Variants in RNF180 observed in about 807,000 individuals in gnomAD.
RNF180 encodes ring finger protein 180.
In RNF180, 38 loss-of-function variants were observed where a neutral mutation model predicts 59.2. The observed-to-expected ratio is 0.64, with a 90% CI of 0.50 to 0.84. The LOEUF (loss-of-function observed/expected upper bound fraction) is 0.84, where lower values mean the gene tolerates loss of function less well. Ranked by LOEUF, RNF180 falls within the 40% of genes least tolerant of loss-of-function variation. The pLI is 0.00. For synonymous variants in RNF180, 262 were observed against 240.3 expected (o/e 1.09, Z -0.84); for missense variants, 705 against 700.9 (o/e 1.01, Z -0.07).
chr5:64,255,917 T>C (rs1009346723), intron 5 of RNF180, among the ~76,000 whole-genome samples: 4 of 152,322 alleles, frequency 2.6e-5, no homozygotes, highest in Non-Finnish European at 4.4e-5. Context: ...TGGTATCTCA[T>C]TGTGGTTTTG....
chr5:64,209,016 G>T (rs1308067586), intron 2 of RNF180, among the ~76,000 whole-genome samples: 1 of 151,838 alleles, frequency 6.6e-6, no homozygotes, highest in Admixed American at 6.6e-5. Flanking sequence ...AAGAATAGCA[G>T]TATCATACCT....
chr5:64,356,270 A>AG (rs1376965648), intron 7 of RNF180, among the ~76,000 whole-genome samples: 1 of 151,876 alleles, frequency 6.6e-6, no homozygotes, highest in East Asian at 1.9e-4. Context: ...AAAAAAAAAA[A>AG]TAAATGTGGT....
intron 5 of RNF180, among the ~76,000 whole-genome samples, chr5:64,290,572 C>G (rs1057331385): frequency 6.6e-6 from 1 of 152,010 alleles, no homozygotes; most frequent in Non-Finnish European, 1.5e-5. Context: ...TTATTGGGTA[C>G]ATATATATAT....
chr5:64,273,144 T>TA (rs933569962), intron 5 of RNF180, among the ~76,000 whole-genome samples: 4 of 151,806 alleles, frequency 2.6e-5, no homozygotes, highest in African/African-American at 7.3e-5. Flanking sequence ...ATTAGCATGC[T>TA]AAAAAACACT....
At chr5:64,196,492 G>A (rs920596399) in intron 1 of RNF180, among the ~76,000 whole-genome samples, 5 of 151,940 alleles carry the variant, frequency 3.3e-5, no homozygotes, top group African/African-American at 1.2e-4. Context: ...ATTTTTTGCA[G>A]CTTTTAAGAT....
intron 7 of RNF180, among the ~76,000 whole-genome samples, chr5:64,351,548 A>G (rs865940236): frequency 0.016 from 2,410 of 150,318 alleles, 43 homozygotes; most frequent in Middle Eastern, 0.046. Context: ...GTTTGTCATA[A>G]ATAGCTCTTA....
rs544383310 is a variant in RNF180, at chr5:64,372,549, C to T, written c.*2735C>T. Reference sequence around the variant, plus strand: ...ACAAAATTCCAGTTAATAAAATTTTCATTTAAATGTCTTTTGTATGGCTAA... The same window carrying T: ...ACAAAATTCCAGTTAATAAAATTTTTATTTAAATGTCTTTTGTATGGCTAA... On this transcript the variant is annotated 3_prime_UTR_variant, in exon 8 of 8. Coordinates refer to ENST00000389100, the MANE Select transcript of RNF180 (RefSeq NM_001113561.2). 1.3e-5 allele frequency: 2 copies of T among 151,880 alleles called. No individual in the cohort carries two copies. Among genetic ancestry groups the T allele is most frequent in the Non-Finnish European group, 2.9e-5 (2 of 67,898 alleles). 9.4% of individuals were successfully genotyped at this position (151,880 alleles called of 1,614,324 possible).
At position 64,209,130 on chromosome 5, in the gene RNF180, C is replaced by G. The variant is rs200627499; in HGVS notation, c.136-2935C>G. The stretch of plus-strand genomic sequence containing the variant: ...TGTGGAAGCTTGGGATCGCTTGTTT[C>G]AGTGTTCTTATCTGTAAGACAGTAA... On this transcript the variant is annotated intron_variant, in intron 2 of 7. Transcript: ENST00000389100. Among the ~76,000 whole-genome samples, 3 of 151,902 alleles carry G rather than the reference C, an allele frequency of 2.0e-5. No homozygotes were observed. In the East Asian group the frequency reaches 5.8e-4, roughly 29 times the overall value.
intron 5 of RNF180, among the ~76,000 whole-genome samples, chr5:64,228,973 GTGCAGTGGCGTGATCTCGGCTCAC>G (rs896960253): frequency 8.5e-5 from 12 of 141,734 alleles, no homozygotes; most frequent in African/African-American, 3.2e-4. Flanking sequence ...CCAGGTTGGA[GTGCAGTGGCGTGATCTCGGCTCAC>G]TGCAACTTCT....
intron 5 of RNF180, among the ~76,000 whole-genome samples, chr5:64,317,625 C>T (rs6890350): frequency 1.6e-3 from 65 of 40,220 alleles, no homozygotes; most frequent in South Asian, 1.0e-2. Context: ...CACATATATA[C>T]ACACACACAC....
intron 5 of RNF180, among the ~76,000 whole-genome samples, chr5:64,261,199 G>T (rs1310542918): frequency 6.6e-6 from 1 of 152,126 alleles, no homozygotes; most frequent in Non-Finnish European, 1.5e-5. Flanking sequence ...GCCTTGGAGA[G>T]AAGTGACTCT....
At chr5:64,210,962 T>A (rs1291606949) in intron 2 of RNF180, among the ~76,000 whole-genome samples, 1 of 152,104 alleles carries the variant, frequency 6.6e-6, no homozygotes, top group Non-Finnish European at 1.5e-5. Context: ...GCTGGGAGTT[T>A]TAAGGAAACC....
In RNF180 at chr5:64,217,344, AT is replaced by A; in HGVS notation, c.1192-11del. ...ATGTGCTTATTTTTGTGTGAACCTA[AT>A]TTTTTATTTCTCTAGGGTAAATACT... On this transcript the variant is annotated splice_polypyrimidine_tract_variant and intron_variant, in intron 4 of 7. Transcript: ENST00000389100. 7.2e-7 allele frequency: 1 copy of A among 1,394,192 alleles called. No homozygotes were observed. The highest frequency in any genetic ancestry group is 3.0e-5 in the Admixed American group (1 of 32,790). The allele number at this position is 1,394,192 out of a possible 1,614,324, so 86.4% of individuals were successfully genotyped here.
intron 5 of RNF180, among the ~76,000 whole-genome samples, chr5:64,257,872 G>T (rs1174782514): frequency 1.3e-5 from 2 of 152,178 alleles, no homozygotes; most frequent in Admixed American, 6.5e-5. Flanking sequence ...ATTGAACTCA[G>T]CTCTGAACAC....
chr5:64,187,499 A>G (rs1750930482), intron 1 of RNF180, among the ~76,000 whole-genome samples: 1 of 152,228 alleles, frequency 6.6e-6, no homozygotes, highest in Admixed American at 6.5e-5. Flanking sequence ...AGAAGTATGT[A>G]ACACCAACAA....
intron 5 of RNF180, among the ~76,000 whole-genome samples, chr5:64,229,009 C>A (rs770289129): frequency 3.1e-4 from 46 of 149,058 alleles, no homozygotes; most frequent in Non-Finnish European, 4.9e-4. Flanking sequence ...GCAACTTCTG[C>A]CTCCTTAGCT....
At chr5:64,220,254 A>G (rs1752840453) in intron 5 of RNF180, among the ~76,000 whole-genome samples, 1 of 151,864 alleles carries the variant, frequency 6.6e-6, no homozygotes, top group Non-Finnish European at 1.5e-5. Context: ...ATATATTTAC[A>G]TATATTTCTT....
At chr5:64,179,608 T>A (rs752503657) in intron 1 of RNF180, among the ~76,000 whole-genome samples, 8 of 152,240 alleles carry the variant, frequency 5.3e-5, no homozygotes, top group Non-Finnish European at 8.8e-5. Context: ...TTTTCATTGC[T>A]ATATAGTATT....
At chr5:64,369,394 G>A (rs995356144) in intron 7 of RNF180, among the ~76,000 whole-genome samples, 12 of 151,756 alleles carry the variant, frequency 7.9e-5, no homozygotes. Flanking sequence ...ACACTAGCAT[G>A]GCACATGTAT....
Sources: gnomAD v4.1 joint callset for allele counts (sites outside exome capture counted in the v4.1 genomes callset) on GRCh38, gnomAD v4.1.1 for gene constraint, MANE v1.5 for transcripts, NCBI Gene and HGNC (gene_info 2026-07-23, HGNC 2026-07-21) for gene names.